The following GTF2H1 variants were observed in gnomAD, a reference collection of about 807,000 sequenced individuals.
The protein encoded by GTF2H1 is BTF2 p62.
In GTF2H1, 16 loss-of-function variants were observed where a neutral mutation model predicts 71.2. The ratio of observed to expected loss-of-function variants is 0.22; its 90% CI spans 0.15 to 0.34. GTF2H1 has a LOEUF of 0.34. GTF2H1 is among the 10% of genes least tolerant of loss of function. The pLI, the probability that GTF2H1 is intolerant of heterozygous loss-of-function variation, is 1.00. For missense variants in GTF2H1, 498 were observed against 648.2 expected (o/e 0.77, Z 2.52); for synonymous variants, 215 against 219.0 (o/e 0.98, Z 0.16).
intron 14 of GTF2H1, 163 bp downstream of exon 14, chr11:18,360,870 A>G (rs1295838318): frequency 9.8e-6 from 5 of 510,264 alleles, no homozygotes; most frequent in Non-Finnish European, 1.7e-5. Flanking sequence ...CAGTGGCTCC[A>G]TCTCAGCTCA....
At chr11:18,348,552 T>G (rs1002715378) in intron 9 of GTF2H1, 1 of 152,334 alleles carries the variant, frequency 6.6e-6, no homozygotes, top group Non-Finnish European at 1.5e-5. Flanking sequence ...CATTTATTTC[T>G]TAAGAAAGAT....
At chr11:18,344,902 T>TTA (rs1252940768) in intron 7 of GTF2H1, among the ~76,000 whole-genome samples, 3 of 152,290 alleles carry the variant, frequency 2.0e-5, no homozygotes, top group Admixed American at 6.5e-5. Context: ...TATCTTTAGA[T>TTA]ACCTGTTCTA....
chr11:18,348,383 G>A (rs370416979), intron 9 of GTF2H1: 14 of 185,888 alleles, frequency 7.5e-5, no homozygotes, highest in South Asian at 1.9e-4. Flanking sequence ...TGTGGAGAAG[G>A]ATGGACAGAA....
At chr11:18,353,555 G>T (rs1242614522) in intron 11 of GTF2H1, among the ~76,000 whole-genome samples, 1 of 152,114 alleles carries the variant, frequency 6.6e-6, no homozygotes, top group Non-Finnish European at 1.5e-5. Flanking sequence ...CTCCCCCAAG[G>T]AACTAATAAT....
rs192508330 is a variant in GTF2H1 at position 18,331,434 on chromosome 11, A to G, written c.-15-1626A>G. Among the ~76,000 whole-genome samples the G allele has an allele frequency of 7.2e-3, 1,090 of 152,132 alleles. 48 individuals carry two copies. The highest frequency in any genetic ancestry group is 0.065 in the Admixed American group (987 of 15,300). ...GTAATCCCAGCACTTTGGGAGGCCA[A>G]GGCGGGTGGATCACCTGAGGTCAAG... is the stretch of plus-strand genomic sequence containing the variant. On this transcript the variant is annotated intron_variant, in intron 1 of 14. Coordinates refer to ENST00000265963, the MANE Select transcript of GTF2H1 (RefSeq NM_005316.4).
intron 14 of GTF2H1, among the ~76,000 whole-genome samples, chr11:18,362,774 G>A (rs781382343): frequency 6.7e-6 from 1 of 148,930 alleles, no homozygotes; most frequent in Non-Finnish European, 1.5e-5. Context: ...GGGTTCAAGC[G>A]ATTCTCCCGC....
intron 14 of GTF2H1, among the ~76,000 whole-genome samples, chr11:18,361,107 C>T (rs547455545): frequency 6.6e-6 from 1 of 152,130 alleles, no homozygotes; most frequent in Admixed American, 6.5e-5. Flanking sequence ...CCGGCCAATA[C>T]TTTATTTTCT....
chr11:18,348,575 T>G (rs1334834362), intron 9 of GTF2H1: 1 of 152,252 alleles, frequency 6.6e-6, no homozygotes, highest in Non-Finnish European at 1.5e-5. Context: ...ATACTAAGAT[T>G]TAGATAGAAA....
chr11:18,334,221 T>C (rs1412248873), intron 2 of GTF2H1, among the ~76,000 whole-genome samples: 1 of 152,036 alleles, frequency 6.6e-6, no homozygotes, highest in Non-Finnish European at 1.5e-5. Flanking sequence ...CTACTAAACA[T>C]ACAAAAAAAT....
At chr11:18,348,170 A>G (rs1208063687) in intron 9 of GTF2H1, 1 of 575,198 alleles carries the variant, frequency 1.7e-6, no homozygotes, top group South Asian at 2.3e-5. Context: ...TTTTCCTCAC[A>G]TGTACACATA....
intron 7 of GTF2H1, among the ~76,000 whole-genome samples, chr11:18,346,252 G>C (rs958094458): frequency 6.6e-6 from 1 of 152,194 alleles, no homozygotes; most frequent in African/African-American, 2.4e-5. Flanking sequence ...AGGTCTCACT[G>C]TGTTGCCAGG....
chr11:18,325,494 A>G (rs760826542), intron 1 of GTF2H1, among the ~76,000 whole-genome samples: 28 of 152,226 alleles, frequency 1.8e-4, no homozygotes, highest in Non-Finnish European at 3.7e-4. Context: ...GCCAAACACT[A>G]TATTACTGGG....
intron 11 of GTF2H1, among the ~76,000 whole-genome samples, chr11:18,356,649 A>G (rs1027252589): frequency 1.2e-4 from 19 of 152,234 alleles, no homozygotes; most frequent in African/African-American, 4.3e-4. Context: ...CAGTAGCACT[A>G]TCATAGCTTA....
chr11:18,350,032 C>T (rs1463030460), intron 9 of GTF2H1, among the ~76,000 whole-genome samples: 1 of 152,112 alleles, frequency 6.6e-6, no homozygotes, highest in African/African-American at 2.4e-5. Flanking sequence ...ACTTTGACAC[C>T]ATCATAAAGT....
chr11:18,325,576 C>T (rs914051517), intron 1 of GTF2H1, among the ~76,000 whole-genome samples: 10 of 151,778 alleles, frequency 6.6e-5, no homozygotes, highest in Non-Finnish European at 1.5e-4. Context: ...TGTCAGGAGA[C>T]GTGTACATTA....
chr11:18,339,147 A>G (rs1271245960), intron 4 of GTF2H1, among the ~76,000 whole-genome samples: 1 of 152,232 alleles, frequency 6.6e-6, no homozygotes, highest in African/African-American at 2.4e-5. Context: ...TACTATTTGT[A>G]TGTTTGGTAT....
intron 7 of GTF2H1, among the ~76,000 whole-genome samples, chr11:18,344,028 AT>A (rs1271029307): frequency 6.6e-6 from 1 of 151,848 alleles, no homozygotes; most frequent in African/African-American, 2.4e-5. Flanking sequence ...GTCTCCCTAT[AT>A]TTCCCAGGCT....
chr11:18,357,923 C>A (rs1168396483), intron 11 of GTF2H1, 29 bp from the exon 12 acceptor site: 3 of 1,375,144 alleles, frequency 2.2e-6, no homozygotes, highest in Non-Finnish European at 3.1e-6. Flanking sequence ...GGAGGAAAAC[C>A]AGTTTTAATG....
intron 14 of GTF2H1, among the ~76,000 whole-genome samples, chr11:18,363,899 C>A (rs1865761809): frequency 6.6e-6 from 1 of 151,972 alleles, no homozygotes; most frequent in Non-Finnish European, 1.5e-5. Flanking sequence ...ACAGTGAAAC[C>A]CCATCTCTAC....
Sources: gnomAD v4.1 joint callset for allele counts (sites outside exome capture counted in the v4.1 genomes callset) on GRCh38, gnomAD v4.1.1 for gene constraint, MANE v1.5 for transcripts, NCBI Gene and HGNC (gene_info 2026-07-23, HGNC 2026-07-21) for gene names.